Variants in DIAPH3 observed in about 807,000 individuals in gnomAD.
DIAPH3 encodes the protein diaphanous related formin 3, also known as protein diaphanous homolog 3.
DIAPH3 carries 117 observed loss-of-function variants against 144.3 expected under a neutral mutation model. The ratio of observed to expected loss-of-function variants is 0.81; its 90% CI spans 0.70 to 0.95. The LOEUF is 0.95. Among genes scored for constraint, DIAPH3 ranks in the 40% least tolerant of loss-of-function variants. The probability of loss-of-function intolerance (pLI) is 0.00; values close to 1 mark genes in which losing one functional copy is unlikely to be tolerated. For synonymous variants in DIAPH3, 519 were observed against 488.9 expected, an observed-to-expected ratio of 1.06 and a Z score of -0.81; for missense variants, 1,421 against 1,412.7, an observed-to-expected ratio of 1.01 and a Z score of -0.09.
rs35387511 is a variant in DIAPH3 at position 59,762,052 on chromosome 13, C to CTTTTTTTTTTTTTTTT, written c.3319+12121_3319+12136dup. 2.9e-3 allele frequency among the ~76,000 whole-genome samples: 171 copies of CTTTTTTTTTTTTTTTT among 59,518 alleles called. 3 individuals carry two copies. The highest frequency in any genetic ancestry group is 4.2e-3 in the Non-Finnish European group (141 of 33,904). The allele number at this position is 59,518 out of a possible 152,430, so 39.0% of individuals were successfully genotyped here. On this transcript the variant is annotated intron_variant, in intron 27 of 27. Transcript: ENST00000400324. ...GCACCCAAGATGAAAGCGTCAGCAT[C>CTTTTTTTTTTTTTTTT]TTTTTTTTTTTTTTTTTTTTTTTTT...
At chr13:59,836,935 G>T (rs2042071800) in intron 23 of DIAPH3, among the ~76,000 whole-genome samples, 1 of 151,840 alleles carries the variant, frequency 6.6e-6, no homozygotes, top group African/African-American at 2.4e-5. Flanking sequence ...CTCACAATTT[G>T]CCATTTTAAT....
intron 5 of DIAPH3, among the ~76,000 whole-genome samples, chr13:60,020,133 G>A (rs938213322): frequency 1.3e-5 from 2 of 152,198 alleles, no homozygotes; most frequent in Non-Finnish European, 2.9e-5. Context: ...GATAGACTGA[G>A]CACTCAATAA....
intron 3 of DIAPH3, among the ~76,000 whole-genome samples, chr13:60,109,203 T>C (rs1312584055): frequency 6.6e-6 from 1 of 151,594 alleles, no homozygotes; most frequent in Non-Finnish European, 1.5e-5. Flanking sequence ...AAAAGTGAAG[T>C]GTGTGTCACA....
intron 17 of DIAPH3, among the ~76,000 whole-genome samples, chr13:59,963,757 T>C (rs913169529): frequency 1.3e-5 from 2 of 152,142 alleles, no homozygotes; most frequent in African/African-American, 4.8e-5. Flanking sequence ...CAGGTCTCAA[T>C]ACATTGCCCA....
intron 9 of DIAPH3, among the ~76,000 whole-genome samples, chr13:60,006,379 G>A (rs749606259): frequency 6.6e-6 from 1 of 151,950 alleles, no homozygotes; most frequent in African/African-American, 2.4e-5. Flanking sequence ...AAAAGGATGG[G>A]ACCCCAGTTT....
intron 27 of DIAPH3, among the ~76,000 whole-genome samples, chr13:59,716,609 T>C (rs2035075449): frequency 6.6e-6 from 1 of 152,214 alleles, no homozygotes. Flanking sequence ...TCCTAGTGCT[T>C]GGAAACCCTT....
chr13:59,808,277 C>T (rs943416441), intron 25 of DIAPH3, among the ~76,000 whole-genome samples: 5 of 151,538 alleles, frequency 3.3e-5, no homozygotes, highest in African/African-American at 4.8e-5. Context: ...CTAACTTGTA[C>T]AAATCAATAA....
intron 27 of DIAPH3, among the ~76,000 whole-genome samples, chr13:59,756,499 A>G (rs2037279407): frequency 1.3e-4 from 16 of 121,800 alleles, no homozygotes; most frequent in Non-Finnish European, 2.5e-4. Context: ...GAAGGAAGGC[A>G]GGCAGGCAGG....
intron 17 of DIAPH3, among the ~76,000 whole-genome samples, chr13:59,955,330 T>A (rs565554993): frequency 6.6e-6 from 1 of 152,114 alleles, no homozygotes; most frequent in South Asian, 2.1e-4. Context: ...TGATAGTGAA[T>A]AAGTTTCATG....
chr13:59,936,172 T>G (rs1454789020), intron 17 of DIAPH3, among the ~76,000 whole-genome samples: 2 of 152,148 alleles, frequency 1.3e-5, no homozygotes, highest in Non-Finnish European at 2.9e-5. Flanking sequence ...AATACCTTGT[T>G]AAAAAACTTA....
At chr13:59,926,521 C>T (rs1269345753) in intron 17 of DIAPH3, among the ~76,000 whole-genome samples, 1 of 152,084 alleles carries the variant, frequency 6.6e-6, no homozygotes, top group Non-Finnish European at 1.5e-5. Flanking sequence ...TACTTTAACT[C>T]ATTTCAGAAA....
chr13:59,728,199 C>G (rs941312096), intron 27 of DIAPH3, among the ~76,000 whole-genome samples: 1 of 151,938 alleles, frequency 6.6e-6, no homozygotes, highest in Non-Finnish European at 1.5e-5. Flanking sequence ...GCTAGACACC[C>G]CCACTGGTTA....
At chr13:59,860,797 T>G (rs1258972254) in intron 22 of DIAPH3, among the ~76,000 whole-genome samples, 1 of 151,858 alleles carries the variant, frequency 6.6e-6, no homozygotes, top group African/African-American at 2.4e-5. Flanking sequence ...AGTCAAAAAA[T>G]TATATTTAAA....
chr13:59,762,405 C>A (rs945632161), intron 27 of DIAPH3, among the ~76,000 whole-genome samples: 2 of 152,020 alleles, frequency 1.3e-5, no homozygotes, highest in Non-Finnish European at 2.9e-5. Context: ...AGATACATTT[C>A]TGCCATATTT....
At chr13:60,050,908 A>G (rs1034369840) in intron 4 of DIAPH3, among the ~76,000 whole-genome samples, 2 of 152,216 alleles carry the variant, frequency 1.3e-5, no homozygotes, top group African/African-American at 4.8e-5. Flanking sequence ...GATGGAAAAC[A>G]TTAGATGTCC....
At chr13:59,823,183 A>G (rs1464589191) in intron 24 of DIAPH3, among the ~76,000 whole-genome samples, 2 of 152,190 alleles carry the variant, frequency 1.3e-5, no homozygotes, top group Non-Finnish European at 2.9e-5. Context: ...CCCATTTAGC[A>G]ATGCATAGTA....
chr13:59,702,320 T>C (rs2034155870), intron 27 of DIAPH3, among the ~76,000 whole-genome samples: 1 of 152,306 alleles, frequency 6.6e-6, no homozygotes, highest in East Asian at 1.9e-4. Flanking sequence ...AAATTACGCT[T>C]AACTTACAAA....
intron 7 of DIAPH3, chr13:60,013,016 CTG>C: frequency 1.0e-6 from 1 of 985,380 alleles, no homozygotes; most frequent in African/African-American, 1.7e-5. Context: ...AAAACAAAAA[CTG>C]TTGACTCTGT....
At chr13:59,724,703 T>C (rs143186151) in intron 27 of DIAPH3, among the ~76,000 whole-genome samples, 1 of 152,262 alleles carries the variant, frequency 6.6e-6, no homozygotes, top group African/African-American at 2.4e-5. Flanking sequence ...TTGCGTCAAA[T>C]GAGCTGGCTT....
Sources: gnomAD v4.1 joint callset for allele counts (sites outside exome capture counted in the v4.1 genomes callset) on GRCh38, gnomAD v4.1.1 for gene constraint, MANE v1.5 for transcripts, NCBI Gene and HGNC (gene_info 2026-07-23, HGNC 2026-07-21) for gene names.